Variants in ZNF605 observed in about 807,000 individuals in gnomAD.
The protein encoded by ZNF605 is zinc finger protein 605.
ZNF605 carries 9 observed loss-of-function variants against 7.9 expected under a neutral mutation model. The ratio of observed to expected loss-of-function variants is 1.14; its 90% CI spans 0.68 to 1.98. The LOEUF (loss-of-function observed/expected upper bound fraction) is 1.98, where lower values mean the gene tolerates loss of function less well. Among genes scored for constraint, ZNF605 ranks in the 30% most tolerant of loss-of-function variants. The probability of loss-of-function intolerance (pLI) is 0.00; values close to 1 mark genes in which losing one functional copy is unlikely to be tolerated. For synonymous variants in ZNF605, 255 were observed against 260.1 expected (o/e 0.98, Z 0.19); for missense variants, 673 against 762.4 (o/e 0.88, Z 1.38).
chr12:132,921,807 C>T lies in ZNF605; in HGVS notation c.*3566G>A, dbSNP rs1383269610. On this transcript the variant is annotated 3_prime_UTR_variant, in exon 5 of 5. Transcript: ENST00000360187. ...GTTTGTGTCCAGCTGGAGAGAAGGC[C>T]TGGTGGACAGAAGACAAAGGAAGGC... 6.6e-6 allele frequency: 1 copy of T among 152,174 alleles called. No individual in the cohort carries two copies. Among genetic ancestry groups the T allele is most frequent in the African/African-American group, 2.4e-5 (1 of 41,432 alleles). The allele number at this position is 152,174 out of a possible 1,614,324, so 9.4% of individuals were successfully genotyped here.
intron 3 of ZNF605, among the ~76,000 whole-genome samples, chr12:132,940,628 T>G (rs979920582): frequency 1.3e-5 from 2 of 152,146 alleles, no homozygotes; most frequent in Admixed American, 1.3e-4. Context: ...ATAGGAAGAC[T>G]GAATCCACCC....
At chr12:132,946,029 C>A (rs1233585313) in intron 2 of ZNF605, among the ~76,000 whole-genome samples, 1 of 152,148 alleles carries the variant, frequency 6.6e-6, no homozygotes, top group Non-Finnish European at 1.5e-5. Flanking sequence ...AACTGAACAG[C>A]CCCGGCTCCA....
At chr12:132,929,352 G>A (rs897236376) in intron 4 of ZNF605, among the ~76,000 whole-genome samples, 2 of 152,168 alleles carry the variant, frequency 1.3e-5, no homozygotes, top group South Asian at 2.1e-4. Flanking sequence ...CCCACTACAC[G>A]TCAGCCTGCG....
In ZNF605 at chr12:132,925,108, C is replaced by A; in HGVS notation, c.*265G>T. ...TGACTTTTGACTAAAAGCTTCTCTA[C>A]TATCACAACACTAATAAGGTTTTCA... is the stretch of plus-strand genomic sequence containing the variant. On this transcript the variant is annotated 3_prime_UTR_variant, in exon 5 of 5. Transcript: ENST00000360187. 1 of 342,440 alleles carries A rather than the reference C, an allele frequency of 2.9e-6. No individual in the cohort carries two copies. The highest frequency in any genetic ancestry group is 5.2e-6 in the Non-Finnish European group (1 of 190,684). 21.2% of individuals were successfully genotyped at this position (342,440 alleles called of 1,614,324 possible). A position where few individuals can be genotyped will look rare whatever the true frequency, so the allele number is the denominator to read the frequency against.
intron 3 of ZNF605, among the ~76,000 whole-genome samples, chr12:132,935,892 TAA>T (rs146610476): frequency 0.56 from 55,158 of 98,054 alleles, 18,041 homozygotes; most frequent in Non-Finnish European, 0.67. Flanking sequence ...GACTCTGTCT[TAA>T]AAAAAAAAAA....
In ZNF605 at chr12:132,925,378, TTA is replaced by T. The variant is rs1952236725; in HGVS notation, c.1919_1920del (p.Ile640AsnfsTer36). The T allele has an allele frequency of 6.4e-7, 1 of 1,572,502 alleles. No homozygotes were observed. The highest frequency in any genetic ancestry group is 1.4e-5 in the African/African-American group (1 of 73,104). ...SQLMIHQRNH[I>X]I ...ATTCGCCAAAGTCATGATTTTTATA[TTA>T]TATGATTTCTCTGATGTATCATAAG... On this transcript the variant is annotated frameshift_variant, in exon 5 of 5. Transcript: ENST00000360187. LOFTEE classifies it high-confidence loss of function.
intron 3 of ZNF605, among the ~76,000 whole-genome samples, chr12:132,936,054 C>G (rs1409978211): frequency 2.0e-5 from 3 of 151,252 alleles, no homozygotes; most frequent in Non-Finnish European, 4.4e-5. Flanking sequence ...GAGCAAGACT[C>G]CATCTCAAAA....
intron 4 of ZNF605, among the ~76,000 whole-genome samples, chr12:132,929,337 G>A (rs1394215114): frequency 1.2e-4 from 19 of 152,202 alleles, no homozygotes; most frequent in African/African-American, 4.6e-4. Context: ...TGAGATGAGA[G>A]TGAGCCCACT....
chr12:132,953,958 C>T (rs77787845), intron 1 of ZNF605, among the ~76,000 whole-genome samples: 3,582 of 152,144 alleles, frequency 0.024, 65 homozygotes, highest in Non-Finnish European at 0.038. Flanking sequence ...CTCTGGTACC[C>T]GGTCACTAAT....
rs1383459101 is a variant in ZNF605, at chr12:132,950,456, CACAT to C, written c.-285-2190_-285-2187del. Among the ~76,000 whole-genome samples, 6 of 134,908 alleles carry C rather than the reference CACAT, an allele frequency of 4.4e-5. No individual in the cohort carries two copies. The South Asian group carries it at 8.4e-4, about 19-fold the overall frequency. The allele number at this position is 134,908 out of a possible 152,430, so 88.5% of individuals were successfully genotyped here. On this transcript the variant is annotated intron_variant, in intron 1 of 4. Transcript: ENST00000360187. ...ACATACGTGCAGACGTGCACAGACG[CACAT>C]ACAGACACACAGACATGCACACACA...
At position 132,925,881 on chromosome 12, in the gene ZNF605, C is replaced by T; in HGVS notation, c.1418G>A (p.Gly473Asp). ...TTCACTGCATTCATAGGGTTTCTCA[C>T]CTGTATGTGTTCTCTGATGTGATAT... is the stretch of plus-strand genomic sequence containing the variant. ...SLISHQRTHT[G>D]EKPYECSECR... Residue 473 changes from glycine to aspartate, a missense_variant, in exon 5 of 5, where the codon GGT becomes GAT. Coordinates refer to ENST00000360187, the MANE Select transcript of ZNF605 (RefSeq NM_183238.4). The T allele has an allele frequency of 6.2e-7, 1 of 1,614,176 alleles. No individual in the cohort carries two copies. Among genetic ancestry groups the T allele is most frequent in the Non-Finnish European group, 8.5e-7 (1 of 1,180,024 alleles).
chr12:132,954,268 C>T (rs1157841576), intron 1 of ZNF605, among the ~76,000 whole-genome samples: 1 of 146,898 alleles, frequency 6.8e-6, no homozygotes, highest in East Asian at 2.0e-4. Context: ...TAAGAATCAC[C>T]ACAGACTGAA....
chr12:132,943,604 T>C (rs1952468318), intron 3 of ZNF605, among the ~76,000 whole-genome samples: 1 of 152,096 alleles, frequency 6.6e-6, no homozygotes, highest in Admixed American at 6.5e-5. Context: ...ATGCAAGACC[T>C]CCTCGTTGGG....
chr12:132,933,073 T>A lies in ZNF605; in HGVS notation c.98A>T (p.Asp33Val). Reference protein sequence around the residue: ...LNPTQKNLYRDVMLENYSNLV... With the variant: ...LNPTQKNLYRVVMLENYSNLV... ...ATTGCTATAGTTCTCCAACATCACA[T>A]CTCTGTACAAGTTCTTCTGAGTAGG... The change falls in exon 4 of 5, where the codon GAT (aspartate) becomes GTT (valine). Residue 33 changes from aspartate to valine, a missense_variant. Physicochemically the swap from Asp to Val is radical, Grantham distance 152. Transcript: ENST00000360187. The surrounding 1 kb of genome is among the most constrained non-coding windows in gnomAD (Gnocchi z 4.4). 1.2e-6 allele frequency: 2 copies of A among 1,610,536 alleles called. No homozygotes were observed. The highest frequency in any genetic ancestry group is 1.3e-5 in the African/African-American group (1 of 74,924).
At chr12:132,951,492 CAT>C (rs1369926625) in intron 1 of ZNF605, among the ~76,000 whole-genome samples, 3 of 151,410 alleles carry the variant, frequency 2.0e-5, no homozygotes, top group Non-Finnish European at 2.9e-5. Context: ...ACATACATCA[CAT>C]ATACACACAC....
At chr12:132,954,265 C>G (rs1470776207) in intron 1 of ZNF605, among the ~76,000 whole-genome samples, 1 of 146,982 alleles carries the variant, frequency 6.8e-6, no homozygotes, top group Non-Finnish European at 1.5e-5. Context: ...ACTTAAGAAT[C>G]ACCACAGACT....
Position 132,924,478 on chromosome 12 carries a change from T to C in ZNF605, c.*895A>G, listed in dbSNP as rs1480161261. 6.6e-6 allele frequency: 1 copy of C among 152,282 alleles called. No homozygotes were observed. The highest frequency in any genetic ancestry group is 1.5e-5 in the Non-Finnish European group (1 of 68,092). 9.4% of individuals were successfully genotyped at this position (152,282 alleles called of 1,614,324 possible). A position where few individuals can be genotyped will look rare whatever the true frequency, so the allele number is the denominator to read the frequency against. ...ACTCAGGGGACTCCCAGCAGACTTC[T>C]TGAGCCCTGTATCTAGAAGGATCCC... On this transcript the variant is annotated 3_prime_UTR_variant, in exon 5 of 5. Transcript: ENST00000360187.
At chr12:132,952,515 C>T (rs1215706772) in intron 1 of ZNF605, among the ~76,000 whole-genome samples, 5 of 151,468 alleles carry the variant, frequency 3.3e-5, no homozygotes, top group Non-Finnish European at 7.4e-5. Flanking sequence ...GAAGATATTC[C>T]TCCCAGACGT....
At position 132,941,081 on chromosome 12, in the gene ZNF605, C is replaced by A. The variant is rs2137148454; in HGVS notation, c.15+4540G>T. Among the ~76,000 whole-genome samples, 1 of 152,186 alleles carries A rather than the reference C, an allele frequency of 6.6e-6. No individual in the cohort carries two copies. Among genetic ancestry groups the A allele is most frequent in the East Asian group, 1.9e-4 (1 of 5,180 alleles). ...TTTTGTTACCCATACGGGTGCTCAC[C>A]AAAAAGACTCCAGTGCTGACCCAGG... is the stretch of plus-strand genomic sequence containing the variant. On this transcript the variant is annotated intron_variant, in intron 3 of 4. Transcript: ENST00000360187. This position sits in a 1 kb window ranked among gnomAD's most constrained non-coding sequence, Gnocchi z 5.1.
Sources: gnomAD v4.1 joint callset for allele counts (sites outside exome capture counted in the v4.1 genomes callset) on GRCh38, gnomAD v4.1.1 for gene constraint, Gnocchi (gnomAD v3.1) non-coding constraint, MANE v1.5 for transcripts, NCBI Gene and HGNC (gene_info 2026-07-23, HGNC 2026-07-21) for gene names.